The following SETX variants were observed in gnomAD, a reference collection of about 807,000 sequenced individuals.
The protein encoded by SETX is helicase senataxin.
Under a neutral mutation model 227.2 loss-of-function variants are expected in SETX, and 90 were observed. The ratio of observed to expected loss-of-function variants is 0.40; its 90% CI spans 0.33 to 0.47. SETX has a LOEUF of 0.47. Ranked by LOEUF, SETX falls within the 20% of genes least tolerant of loss-of-function variation. SETX has a pLI of 0.91. For synonymous variants in SETX, 1,210 were observed against 1,113.2 expected, an observed-to-expected ratio of 1.09 and a Z score of -1.73; for missense variants, 3,052 against 3,181.5, an observed-to-expected ratio of 0.96 and a Z score of 0.98.
intron 24 of SETX, among the ~76,000 whole-genome samples, 167 bp downstream of exon 24, chr9:132,271,543 T>C (rs2131147210): frequency 6.6e-6 from 1 of 152,352 alleles, no homozygotes; most frequent in South Asian, 2.1e-4. Context: ...ACAGTGGGTC[T>C]ATTTCACAAC....
intron 18 of SETX, 138 bp from the exon 19 acceptor site, chr9:132,283,551 AC>A: frequency 1.9e-6 from 2 of 1,062,988 alleles, no homozygotes; most frequent in South Asian, 2.7e-5. Flanking sequence ...GTTAGGGGAA[AC>A]CCTCAAATCT....
chr9:132,305,353 C>CAAAA (rs144880539), intron 11 of SETX, among the ~76,000 whole-genome samples: 1,055 of 70,004 alleles, frequency 0.015, 61 homozygotes, highest in African/African-American at 0.048. Flanking sequence ...GACTCCGTCT[C>CAAAA]AAAAAAAAAA....
chr9:132,329,221 G>A lies in SETX; in HGVS notation c.2377C>T (p.His793Tyr). ...QKDEICAKLSHVIKKQHRKST... is the reference protein window; with the variant it reads ...QKDEICAKLSYVIKKQHRKST... The stretch of plus-strand genomic sequence containing the variant: ...TTCCTGTGTTGCTTCTTTATTACAT[G>A]TGATAACTTTGCACAGATTTCATCT... Residue 793 changes from histidine to tyrosine, a missense_variant, in exon 10 of 26, where the codon CAT becomes TAT. By Grantham distance (83) the His-to-Tyr change is moderately conservative. Coordinates refer to ENST00000224140, the MANE Select transcript of SETX (RefSeq NM_015046.7). The A allele has an allele frequency of 6.2e-7, 1 of 1,613,814 alleles. No homozygotes were observed. Among genetic ancestry groups the A allele is most frequent in the South Asian group, 1.1e-5 (1 of 91,066 alleles).
intron 11 of SETX, among the ~76,000 whole-genome samples, chr9:132,306,281 C>T (rs751351226): frequency 1.3e-5 from 2 of 152,176 alleles, no homozygotes; most frequent in East Asian, 1.9e-4. Flanking sequence ...GGCGCAATCT[C>T]GGTTCACTGC....
rs930775262 is a variant in SETX at position 132,301,329 on chromosome 9, C to T, written c.5375-526G>A. On this transcript the variant is annotated intron_variant, in intron 11 of 25. Transcript: ENST00000224140. The stretch of plus-strand genomic sequence containing the variant: ...GTCTCGATCTCCTGACCTCGTGATC[C>T]GCCCGCCTCAGCCTCCCAAAGTGCT... Among the ~76,000 whole-genome samples the T allele has an allele frequency of 2.0e-5, 3 of 151,846 alleles. 1 individual carries two copies. Among genetic ancestry groups the T allele is most frequent in the South Asian group, 2.1e-4 (1 of 4,804 alleles).
intron 21 of SETX, 73 bp from the exon 22 acceptor site, chr9:132,277,225 A>AT (rs1416191084): frequency 2.2e-5 from 31 of 1,393,650 alleles, no homozygotes; most frequent in Non-Finnish European, 2.8e-5. Flanking sequence ...TATTACTACA[A>AT]TTTTTTCTGT....
At position 132,271,775 on chromosome 9, in the gene SETX, C is replaced by G; in HGVS notation, c.7134G>C (p.Gln2378His). Residue 2378 changes from glutamine to histidine, a missense_variant, in exon 24 of 26, where the codon CAG (glutamine) becomes CAC (histidine). This residue lies in a region of SETX where 412 missense variants were observed against 589.0 expected (regional missense o/e 0.70). Coordinates refer to ENST00000224140, the MANE Select transcript of SETX (RefSeq NM_015046.7). Reference sequence around the variant, plus strand: ...CAATAACACAATCCTTCTGCCGACCCTGGAATGCATCCACAGTGTCTACTT... The same window carrying G: ...CAATAACACAATCCTTCTGCCGACCGTGGAATGCATCCACAGTGTCTACTT... ...PAEVDTVDAF[Q>H]GRQKDCVIVT... 1 of 1,614,092 alleles carries G rather than the reference C, an allele frequency of 6.2e-7. No homozygotes were observed. The highest frequency in any genetic ancestry group is 8.5e-7 in the Non-Finnish European group (1 of 1,179,994).
chr9:132,354,802 C>G (rs1042028007), intron 1 of SETX, 115 bp downstream of exon 1: 1 of 152,042 alleles, frequency 6.6e-6, no homozygotes, highest in Non-Finnish European at 1.5e-5. Context: ...CTTCCCCCAT[C>G]CGCCCACCGG....
chr9:132,333,626 T>C lies in SETX; in HGVS notation c.838+982A>G, dbSNP rs1589755199. On this transcript the variant is annotated intron_variant, in intron 7 of 25. Coordinates refer to ENST00000224140, the MANE Select transcript of SETX (RefSeq NM_015046.7). The stretch of plus-strand genomic sequence containing the variant: ...TGGTCTTTATTAATTCATTACTTCC[T>C]AAAGATTAGAAGCACTTATTTAATT... Among the ~76,000 whole-genome samples, 2 of 152,198 alleles carry C rather than the reference T, an allele frequency of 1.3e-5. 1 individual carries two copies. The highest frequency in any genetic ancestry group is 3.9e-4 in the East Asian group (2 of 5,182).
chr9:132,291,880 T>C (rs1232769529), intron 15 of SETX, among the ~76,000 whole-genome samples: 1 of 152,106 alleles, frequency 6.6e-6, no homozygotes, highest in Non-Finnish European at 1.5e-5. Context: ...CACAAGAAAG[T>C]AGAGGGGCCT....
chr9:132,330,178 A>G lies in SETX; in HGVS notation c.1420T>C (p.Cys474Arg). The G allele has an allele frequency of 6.3e-7, 1 of 1,592,334 alleles. No individual in the cohort carries two copies. The highest frequency in any genetic ancestry group is 1.1e-5 in the South Asian group (1 of 88,604). ...GAACTTACCCACAGCAAATGCAAAC[A>G]TTTTTTATTTCTATGCAGTTCAATC... is the stretch of plus-strand genomic sequence containing the variant. Reference protein sequence around the residue: ...SVIELHRNKKCLHLLWVSSQQ... With the variant: ...SVIELHRNKKRLHLLWVSSQQ... The change falls in exon 10 of 26, where the codon TGT becomes CGT. Residue 474 changes from cysteine (C) to arginine (R), a missense_variant. By Grantham distance (180) the Cys-to-Arg change is radical. Coordinates refer to ENST00000224140, the MANE Select transcript of SETX (RefSeq NM_015046.7).
intron 15 of SETX, among the ~76,000 whole-genome samples, chr9:132,293,468 C>A (rs1844462329): frequency 6.6e-6 from 1 of 152,106 alleles, no homozygotes; most frequent in Admixed American, 6.5e-5. Context: ...GTTGCCCAGG[C>A]TGGAGTTCAA....
rs1428415383 is a variant in SETX at position 132,276,986 on chromosome 9, T to C, written c.6935+74A>G. ...AGAGAGATGTGTATAGGAAATGTAT[T>C]TAACAGAAATATGAATGCAAATCAT... On this transcript the variant is annotated intron_variant, in intron 22 of 25. Coordinates refer to ENST00000224140, the MANE Select transcript of SETX (RefSeq NM_015046.7). The C allele has an allele frequency of 4.7e-6, 6 of 1,286,914 alleles. No homozygotes were observed. The African/African-American group carries it at 8.8e-5, about 19-fold the overall frequency. 79.7% of individuals were successfully genotyped at this position (1,286,914 alleles called of 1,614,324 possible).
At chr9:132,307,233 G>C (rs1845385643) in intron 11 of SETX, among the ~76,000 whole-genome samples, 1 of 151,978 alleles carries the variant, frequency 6.6e-6, no homozygotes, top group East Asian at 1.9e-4. Flanking sequence ...CAGCCTGGGC[G>C]ACAGAGCAAG....
chr9:132,355,596 T>C (rs1003916505), upstream of SETX, among the ~76,000 whole-genome samples: 5 of 152,156 alleles, frequency 3.3e-5, no homozygotes, highest in Non-Finnish European at 7.4e-5. Context: ...TCCCACCACT[T>C]TGGGAGGCCC....
At chr9:132,325,421 T>C (rs139666664) in intron 10 of SETX, among the ~76,000 whole-genome samples, 1 of 149,806 alleles carries the variant, frequency 6.7e-6, no homozygotes, top group Non-Finnish European at 1.5e-5. Flanking sequence ...AAATTTAGGA[T>C]TCATTACTTT....
chr9:132,326,242 A>T, intron 10 of SETX, 82 bp downstream of exon 10: 1 of 1,116,868 alleles, frequency 9.0e-7, no homozygotes, highest in Non-Finnish European at 1.3e-6. Context: ...GATTTTTTGA[A>T]CTATACTCTC....
rs1327343862 is a variant in SETX, at chr9:132,346,377, T to C, written c.272A>G (p.Asp91Gly). The C allele has an allele frequency of 1.2e-5, 20 of 1,613,698 alleles. No homozygotes were observed. Residue 91 changes from aspartate to glycine, a missense_variant, in exon 4 of 26, where the codon GAC becomes GGC. Physicochemically the swap from Asp to Gly is moderately conservative, Grantham distance 94. Around this residue, in one of 10 missense-constraint regions of SETX, gnomAD observed 152 missense variants for 156.2 expected, o/e 0.97. Transcript: ENST00000224140. ...AAACAGTGGCATCTCTCCATTATTG[T>C]CTACTATATATAACTCATCATCATC... ...IGDDDELYIV[D>G]NNGEMPLFDI...
chr9:132,300,635 G>T lies in SETX; in HGVS notation c.5543C>A (p.Ser1848Ter), dbSNP rs1844937854. 6.2e-7 allele frequency: 1 copy of T among 1,613,386 alleles called. No homozygotes were observed. The highest frequency in any genetic ancestry group is 1.3e-5 in the African/African-American group (1 of 74,878). Residue 1848 changes from serine (S) to a stop codon, truncating the protein, a stop_gained, in exon 12 of 26, where the codon TCA (serine) becomes TAA (stop). Transcript: ENST00000224140. LOFTEE classifies it high-confidence loss of function. The stretch of plus-strand genomic sequence containing the variant: ...ATGCCTCATTATTTACTTACTGACT[G>T]ACGTGCGGCGAAATTTATGAACATA... ...SGYVHKFRRT[S>*]VMRNGKTECY...
Sources: gnomAD v4.1 joint callset for allele counts (sites outside exome capture counted in the v4.1 genomes callset) on GRCh38, gnomAD v4.1.1 for gene constraint, gnomAD v4.1.1 regional missense constraint, MANE v1.5 for transcripts, NCBI Gene and HGNC (gene_info 2026-07-23, HGNC 2026-07-21) for gene names.